NXPH1: variants seen among roughly 807,000 people sequenced by gnomAD.
The protein encoded by NXPH1 is neurexophilin-1.
A neutral mutation model predicts 23.7 loss-of-function variants in NXPH1; 5 were observed. The ratio of observed to expected loss-of-function variants is 0.21; its 90% CI spans 0.11 to 0.44. The LOEUF (loss-of-function observed/expected upper bound fraction) is 0.44. Ranked by LOEUF, NXPH1 falls within the 20% of genes least tolerant of loss-of-function variation. The pLI is 0.99. For synonymous variants in NXPH1, 144 were observed against 122.2 expected (o/e 1.18, Z -1.18); for missense variants, 324 against 321.6 (o/e 1.01, Z -0.06).
chr7:8,734,836 A>C (rs1412354911), intron 2 of NXPH1, among the ~76,000 whole-genome samples: 1 of 152,130 alleles, frequency 6.6e-6, no homozygotes, highest in Non-Finnish European at 1.5e-5. Flanking sequence ...GTCTCTTTGT[A>C]GTTCTCCTTG....
chr7:8,671,624 C>T (rs888902167), intron 2 of NXPH1, among the ~76,000 whole-genome samples: 1 of 151,784 alleles, frequency 6.6e-6, no homozygotes, highest in Non-Finnish European at 1.5e-5. Context: ...TTTTTGAGGT[C>T]ATTTTAGGTC....
intron 2 of NXPH1, among the ~76,000 whole-genome samples, chr7:8,669,797 AAC>A (rs1583223182): frequency 6.6e-6 from 1 of 152,134 alleles, no homozygotes; most frequent in East Asian, 1.9e-4. Flanking sequence ...GGTAATGTAC[AAC>A]TGTCCTTCCT....
chr7:8,570,276 A>G (rs564692457), intron 2 of NXPH1, among the ~76,000 whole-genome samples: 10 of 151,958 alleles, frequency 6.6e-5, no homozygotes, highest in Non-Finnish European at 1.3e-4. Flanking sequence ...ATGATAATGG[A>G]GGCAGCATAG....
At position 8,433,637 on chromosome 7, in the gene NXPH1, G is replaced by C. The variant is rs184741357; in HGVS notation, c.-1229G>C. ...CCTCTCGGCTGTCTCGAGCTGAATG[G>C]CTGGCAGTCTGCGGCTCCCCCGCCT... On this transcript the variant is annotated 5_prime_UTR_variant, in exon 1 of 3. Transcript: ENST00000405863. This position sits in a 1 kb window ranked among gnomAD's most constrained non-coding sequence, Gnocchi z 6.8. 3.0e-4 allele frequency among the ~76,000 whole-genome samples: 46 copies of C among 152,248 alleles called. No individual in the cohort carries two copies. Among genetic ancestry groups the C allele is most frequent in the African/African-American group, 1.0e-3 (43 of 41,538 alleles).
At chr7:8,567,441 T>C (rs1818565873) in intron 2 of NXPH1, among the ~76,000 whole-genome samples, 1 of 151,936 alleles carries the variant, frequency 6.6e-6, no homozygotes. Context: ...ACTAACCACC[T>C]GTGTATCTGA....
intron 2 of NXPH1, among the ~76,000 whole-genome samples, chr7:8,749,600 G>C (rs1014448329): frequency 2.0e-5 from 3 of 152,142 alleles, no homozygotes; most frequent in African/African-American, 7.2e-5. Flanking sequence ...TTCATTTTAA[G>C]AACAGTGTGG....
rs139544213 is a variant in NXPH1, at chr7:8,701,045, C to G, written c.55-49963C>G. 9.4e-3 allele frequency among the ~76,000 whole-genome samples: 1,424 copies of G among 152,130 alleles called. 13 individuals carry two copies. The highest frequency in any genetic ancestry group is 0.032 in the African/African-American group (1,328 of 41,502). On this transcript the variant is annotated intron_variant, in intron 2 of 2. Coordinates refer to ENST00000405863, the MANE Select transcript of NXPH1 (RefSeq NM_152745.3). The stretch of plus-strand genomic sequence containing the variant: ...GAAAGTTTCACCACTCTCTCAACTC[C>G]TAATCTTAAAACCACTGAATCACCT...
intron 2 of NXPH1, among the ~76,000 whole-genome samples, chr7:8,532,284 A>G (rs774845245): frequency 6.6e-6 from 1 of 152,134 alleles, no homozygotes; most frequent in East Asian, 1.9e-4. Context: ...ACAACACAGG[A>G]TATAATTAAA....
chr7:8,742,293 G>C (rs953774130), intron 2 of NXPH1, among the ~76,000 whole-genome samples: 23 of 151,950 alleles, frequency 1.5e-4, no homozygotes, highest in African/African-American at 5.3e-4. Context: ...AATGAGAGAG[G>C]GGAGTGGGAT....
At chr7:8,637,591 A>C (rs1820238910) in intron 2 of NXPH1, among the ~76,000 whole-genome samples, 1 of 152,130 alleles carries the variant, frequency 6.6e-6, no homozygotes, top group Non-Finnish European at 1.5e-5. Flanking sequence ...ACCTGCTTTT[A>C]CATGATCTAA....
chr7:8,544,371 G>T (rs182422929), intron 2 of NXPH1, among the ~76,000 whole-genome samples: 2 of 151,480 alleles, frequency 1.3e-5, no homozygotes, highest in Admixed American at 6.6e-5. Context: ...CAATCAGAAA[G>T]GTCTTTAGAC....
In NXPH1 at chr7:8,588,619, T is replaced by C. The variant is rs564554923; in HGVS notation, c.54+152852T>C. Among the ~76,000 whole-genome samples, 21 of 152,238 alleles carry C rather than the reference T, an allele frequency of 1.4e-4. No individual in the cohort carries two copies. In the South Asian group the frequency reaches 4.3e-3, roughly 32 times the overall value. On this transcript the variant is annotated intron_variant, in intron 2 of 2. Coordinates refer to ENST00000405863, the MANE Select transcript of NXPH1 (RefSeq NM_152745.3). ...TACTGACTCTTTTTCATTAGTTCCATCTTGGAAGACTTTGGGGAAAGACTG... is the reference window on the plus strand; with the variant it reads ...TACTGACTCTTTTTCATTAGTTCCACCTTGGAAGACTTTGGGGAAAGACTG...
At chr7:8,741,990 C>G (rs1259344981) in intron 2 of NXPH1, among the ~76,000 whole-genome samples, 2 of 152,086 alleles carry the variant, frequency 1.3e-5, no homozygotes, top group Non-Finnish European at 2.9e-5. Context: ...GAAAAAGAGT[C>G]TAACACATCT....
intron 2 of NXPH1, among the ~76,000 whole-genome samples, chr7:8,582,984 G>C (rs1034748113): frequency 6.6e-6 from 1 of 152,212 alleles, no homozygotes; most frequent in East Asian, 1.9e-4. Context: ...TCCCATGCCT[G>C]TTGGCACCCA....
At chr7:8,737,471 G>T (rs998540023) in intron 2 of NXPH1, among the ~76,000 whole-genome samples, 5 of 152,118 alleles carry the variant, frequency 3.3e-5, no homozygotes, top group Admixed American at 1.3e-4. Flanking sequence ...CCAGTCTCTT[G>T]TGGCTTGTAG....
chr7:8,644,914 T>G (rs912103782), intron 2 of NXPH1, among the ~76,000 whole-genome samples: 1 of 152,192 alleles, frequency 6.6e-6, no homozygotes, highest in African/African-American at 2.4e-5. Context: ...GTTTTGCATA[T>G]TTTGTACTTT....
chr7:8,578,699 G>A (rs1188038907), intron 2 of NXPH1, among the ~76,000 whole-genome samples: 1 of 152,134 alleles, frequency 6.6e-6, no homozygotes, highest in Non-Finnish European at 1.5e-5. Flanking sequence ...ACTGAAGAGG[G>A]GAGGAACACT....
chr7:8,571,018 TATCTA>T (rs35589510), intron 2 of NXPH1, among the ~76,000 whole-genome samples: 17,103 of 145,786 alleles, frequency 0.12, 1,082 homozygotes, highest in Middle Eastern at 0.21. Flanking sequence ...TCTGTCTGTC[TATCTA>T]ATCTAATCTA....
rs148015144 is a variant in NXPH1, at chr7:8,596,414, C to A, written c.55-154594C>A. Among the ~76,000 whole-genome samples, 651 of 152,168 alleles carry A rather than the reference C, an allele frequency of 4.3e-3. 4 individuals are homozygous for A. Among genetic ancestry groups the A allele is most frequent in the African/African-American group, 0.015 (613 of 41,520 alleles). Reference sequence around the variant, plus strand: ...TATTAGGGCTCTTGGAAGAATGTTTCCTGCTAAATGGCCCACAAAATCTAA... The same window carrying A: ...TATTAGGGCTCTTGGAAGAATGTTTACTGCTAAATGGCCCACAAAATCTAA... On this transcript the variant is annotated intron_variant, in intron 2 of 2. Transcript: ENST00000405863.
Sources: gnomAD v4.1 joint callset for allele counts (sites outside exome capture counted in the v4.1 genomes callset) on GRCh38, gnomAD v4.1.1 for gene constraint, Gnocchi (gnomAD v3.1) non-coding constraint, MANE v1.5 for transcripts, NCBI Gene and HGNC (gene_info 2026-07-23, HGNC 2026-07-21) for gene names.